Variants in ACBD6 observed in about 807,000 individuals in gnomAD.
ACBD6 encodes the protein acyl-CoA-binding domain-containing protein 6.
Under a neutral mutation model 37.2 loss-of-function variants are expected in ACBD6, and 28 were observed. That is an observed-to-expected ratio of 0.75 (90% CI 0.56 to 1.03). The LOEUF is 1.03. ACBD6 is among the 50% of genes least tolerant of loss of function. The pLI is 0.00. For missense variants in ACBD6, 340 were observed against 337.4 expected (o/e 1.01, Z -0.06); for synonymous variants, 113 against 126.8 (o/e 0.89, Z 0.73).
At chr1:180,475,444 T>C (rs1650741662) in intron 3 of ACBD6, among the ~76,000 whole-genome samples, 1 of 152,166 alleles carries the variant, frequency 6.6e-6, no homozygotes, top group Non-Finnish European at 1.5e-5. Context: ...TGGAGTGCCA[T>C]GGCATGATCA....
chr1:180,376,025 T>C (rs551369822), intron 6 of ACBD6, among the ~76,000 whole-genome samples: 1 of 152,058 alleles, frequency 6.6e-6, no homozygotes, highest in African/African-American at 2.4e-5. Context: ...TGGGGAAAAA[T>C]GTGAACAGAT....
At chr1:180,489,748 C>T (rs1463865225) in intron 3 of ACBD6, among the ~76,000 whole-genome samples, 2 of 151,954 alleles carry the variant, frequency 1.3e-5, no homozygotes, top group African/African-American at 4.8e-5. Context: ...CCTCTGCCTC[C>T]CGGGTTCAAG....
chr1:180,333,554 T>G (rs868848034), intron 6 of ACBD6, among the ~76,000 whole-genome samples: 1 of 152,314 alleles, frequency 6.6e-6, no homozygotes. Flanking sequence ...CTTAAATTCA[T>G]TCATTCAAGA....
intron 7 of ACBD6, among the ~76,000 whole-genome samples, chr1:180,313,573 G>A (rs113995789): frequency 0.018 from 2,792 of 152,294 alleles, 31 homozygotes; most frequent in Middle Eastern, 0.037. Context: ...GGTCATTTGA[G>A]CCACTTGTTA....
At chr1:180,360,210 T>C (rs915465211) in intron 6 of ACBD6, among the ~76,000 whole-genome samples, 7 of 152,242 alleles carry the variant, frequency 4.6e-5, no homozygotes, top group Admixed American at 3.3e-4. Flanking sequence ...TCTATCTTCA[T>C]GTTATTTCCC....
intron 3 of ACBD6, chr1:180,435,719 TG>T: frequency 1.2e-6 from 1 of 854,706 alleles, no homozygotes; most frequent in Non-Finnish European, 2.0e-6. Context: ...CAATCTCGCC[TG>T]GACAGCAGGA....
intron 3 of ACBD6, among the ~76,000 whole-genome samples, chr1:180,472,358 C>A (rs1397135089): frequency 1.3e-5 from 2 of 152,150 alleles, no homozygotes; most frequent in Non-Finnish European, 2.9e-5. Context: ...TATCAGAGGA[C>A]AACAGTATTG....
chr1:180,418,817 T>C (rs1558291757), intron 4 of ACBD6, among the ~76,000 whole-genome samples: 1 of 152,204 alleles, frequency 6.6e-6, no homozygotes, highest in African/African-American at 2.4e-5. Context: ...ATCTTGCAAA[T>C]AGTACCTCCT....
At chr1:180,394,365 C>G (rs1178902524) in intron 6 of ACBD6, among the ~76,000 whole-genome samples, 1 of 151,370 alleles carries the variant, frequency 6.6e-6, no homozygotes, top group Admixed American at 6.6e-5. Context: ...GCTAGAATTA[C>G]AGGCATGAGC....
chr1:180,376,327 G>A, intron 6 of ACBD6, among the ~76,000 whole-genome samples: 1 of 152,200 alleles, frequency 6.6e-6, no homozygotes, highest in Non-Finnish European at 1.5e-5. Flanking sequence ...TCCACTTACA[G>A]GAATCTATCC....
intron 6 of ACBD6, among the ~76,000 whole-genome samples, chr1:180,377,631 C>G (rs1209590831): frequency 6.6e-6 from 1 of 152,156 alleles, no homozygotes; most frequent in African/African-American, 2.4e-5. Context: ...GTTGGAGACA[C>G]AACTCATTGA....
chr1:180,497,850 G>C (rs1480122169), intron 1 of ACBD6, among the ~76,000 whole-genome samples: 1 of 152,178 alleles, frequency 6.6e-6, no homozygotes, highest in Non-Finnish European at 1.5e-5. Flanking sequence ...TTGTTAGAAA[G>C]AGAGAGAAGT....
chr1:180,455,683 T>C (rs555423088), intron 3 of ACBD6, among the ~76,000 whole-genome samples: 1 of 152,278 alleles, frequency 6.6e-6, no homozygotes, highest in African/African-American at 2.4e-5. Context: ...CTTTAATAGG[T>C]AATCCCCAAT....
chr1:180,423,183 GT>G (rs1648443314), intron 4 of ACBD6, among the ~76,000 whole-genome samples: 1 of 152,120 alleles, frequency 6.6e-6, no homozygotes, highest in Admixed American at 6.5e-5. Flanking sequence ...ATCTGCAAGT[GT>G]TTTCAAATTG....
chr1:180,272,032 C>T (rs374758687), intron 13 of ACBD6: 13 of 1,599,806 alleles, frequency 8.1e-6, no homozygotes, highest in African/African-American at 8.1e-5. Context: ...GGGGCCAGGC[C>T]GAGGCCTTAG....
At chr1:180,497,090 T>A (rs1338050894) in intron 1 of ACBD6, among the ~76,000 whole-genome samples, 2 of 152,216 alleles carry the variant, frequency 1.3e-5, no homozygotes, top group Non-Finnish European at 2.9e-5. Flanking sequence ...TAAAATCACA[T>A]GAACTACCAG....
At chr1:180,402,126 C>T (rs1210542636) in intron 5 of ACBD6, among the ~76,000 whole-genome samples, 2 of 152,060 alleles carry the variant, frequency 1.3e-5, no homozygotes, top group Admixed American at 1.3e-4. Context: ...CCTGTAATGT[C>T]CCCATCTCCT....
At chr1:180,438,615 T>C (rs1243197526) in intron 3 of ACBD6, among the ~76,000 whole-genome samples, 1 of 152,116 alleles carries the variant, frequency 6.6e-6, no homozygotes, top group Non-Finnish European at 1.5e-5. Context: ...TTAAAGCAAG[T>C]TTAGGTTTAC....
chr1:180,284,868 G>C (rs78800535), downstream of ACBD6, among the ~76,000 whole-genome samples: 1,012 of 152,196 alleles, frequency 6.6e-3, 16 homozygotes, highest in African/African-American at 0.023. Flanking sequence ...ATAAGATCAT[G>C]TGGCCAAGCC....
Sources: allele counts gnomAD v4.1 joint callset (sites outside exome capture counted in the v4.1 genomes callset), GRCh38; gene constraint gnomAD v4.1.1; transcripts MANE v1.5; gene names NCBI Gene and HGNC (gene_info 2026-07-23, HGNC 2026-07-21).